Variants in STXBP5L observed in about 807,000 individuals in gnomAD.
STXBP5L encodes the protein syntaxin binding protein 5L.
A neutral mutation model predicts 144.5 loss-of-function variants in STXBP5L; 65 were observed. That is an observed-to-expected ratio of 0.45 (90% CI 0.37 to 0.55). The LOEUF (loss-of-function observed/expected upper bound fraction) is 0.55. Among genes scored for constraint, STXBP5L ranks in the 20% least tolerant of loss-of-function variants. The pLI, the probability that STXBP5L is intolerant of heterozygous loss-of-function variation, is 0.00. For synonymous variants in STXBP5L, 505 were observed against 469.6 expected (o/e 1.08, Z -0.97); for missense variants, 1,298 against 1,405.5 (o/e 0.92, Z 1.22).
intron 19 of STXBP5L, among the ~76,000 whole-genome samples, chr3:121,283,988 A>G (rs1472753956): frequency 1.3e-5 from 2 of 151,546 alleles, no homozygotes; most frequent in African/African-American, 4.8e-5. Context: ...TTGGCTTTAC[A>G]GTATACTCTG....
chr3:121,044,791 G>A (rs756538709), intron 4 of STXBP5L, among the ~76,000 whole-genome samples: 2 of 152,100 alleles, frequency 1.3e-5, no homozygotes, highest in East Asian at 1.9e-4. Context: ...TATTGTATGC[G>A]AAATAGGATT....
chr3:121,115,126 C>A, intron 6 of STXBP5L, 67 bp downstream of exon 6: 2 of 1,438,310 alleles, frequency 1.4e-6, no homozygotes, highest in South Asian at 1.4e-5. Flanking sequence ...ACATGTAGGT[C>A]AAATTACAGT....
At position 121,206,436 on chromosome 3, in the gene STXBP5L, G is replaced by A. The variant is rs141612677; in HGVS notation, c.956+435G>A. Among the ~76,000 whole-genome samples, 463 of 152,154 alleles carry A rather than the reference G, an allele frequency of 3.0e-3. 3 individuals carry two copies. The highest frequency in any genetic ancestry group is 0.01 in the African/African-American group (432 of 41,528). ...GAAAGATAAAGTTGTGTATATTAAT[G>A]TAATAAAAAGTACTAAATTTTAAGG... On this transcript the variant is annotated intron_variant, in intron 10 of 26. Coordinates refer to ENST00000471454, the MANE Select transcript of STXBP5L (RefSeq NM_001308330.2).
intron 9 of STXBP5L, among the ~76,000 whole-genome samples, chr3:121,197,927 G>T (rs1205191002): frequency 6.6e-6 from 1 of 152,140 alleles, no homozygotes; most frequent in Non-Finnish European, 1.5e-5. Context: ...CCAAGTTTTT[G>T]CTATTGTGAA....
chr3:121,222,173 C>T (rs1479111341), intron 10 of STXBP5L, among the ~76,000 whole-genome samples: 1 of 152,058 alleles, frequency 6.6e-6, no homozygotes, highest in African/African-American at 2.4e-5. Flanking sequence ...TTTGCTAACA[C>T]ACTTTTTCTT....
At chr3:121,396,096 T>C (rs1210910351) in intron 22 of STXBP5L, among the ~76,000 whole-genome samples, 1 of 152,256 alleles carries the variant, frequency 6.6e-6, no homozygotes, top group Non-Finnish European at 1.5e-5. Context: ...ACCAAATCAG[T>C]TGTTCTGCTT....
chr3:121,351,788 G>A (rs1276983454), intron 20 of STXBP5L, among the ~76,000 whole-genome samples: 2 of 152,122 alleles, frequency 1.3e-5, no homozygotes, highest in East Asian at 3.8e-4. Flanking sequence ...TATTGCCTAG[G>A]TTTTCTTCTA....
chr3:121,417,713 C>T (rs977928546), intron 25 of STXBP5L, among the ~76,000 whole-genome samples: 7 of 152,230 alleles, frequency 4.6e-5, no homozygotes, highest in Admixed American at 6.5e-5. Flanking sequence ...GATCTGCCCA[C>T]TTCAGCCTCC....
At chr3:120,986,586 T>C (rs1404220635) in intron 3 of STXBP5L, among the ~76,000 whole-genome samples, 3 of 152,086 alleles carry the variant, frequency 2.0e-5, no homozygotes, top group East Asian at 3.9e-4. Flanking sequence ...TTTGTTAATA[T>C]GTAATTACTT....
chr3:120,932,043 A>T (rs1709969982), intron 2 of STXBP5L, among the ~76,000 whole-genome samples: 1 of 152,212 alleles, frequency 6.6e-6, no homozygotes, highest in African/African-American at 2.4e-5. Context: ...CTCCTGGGTT[A>T]TAAACCTATA....
intron 3 of STXBP5L, among the ~76,000 whole-genome samples, chr3:121,020,418 G>T (rs1945462777): frequency 6.6e-6 from 1 of 151,998 alleles, no homozygotes; most frequent in Non-Finnish European, 1.5e-5. Flanking sequence ...AAGAACACCT[G>T]GGAAATTTAT....
At chr3:121,135,302 A>T (rs113777996) in intron 7 of STXBP5L, among the ~76,000 whole-genome samples, 2,938 of 152,054 alleles carry the variant, frequency 0.019, 89 homozygotes, top group African/African-American at 0.066. Flanking sequence ...TAGATTCTGG[A>T]TATTAGCCCT....
intron 9 of STXBP5L, among the ~76,000 whole-genome samples, chr3:121,188,411 C>G (rs566574784): frequency 1.3e-5 from 2 of 151,990 alleles, no homozygotes; most frequent in South Asian, 2.1e-4. Context: ...TACATGGAAA[C>G]TGAACAACCT....
intron 9 of STXBP5L, among the ~76,000 whole-genome samples, chr3:121,185,821 C>T (rs909149034): frequency 6.6e-6 from 1 of 152,026 alleles, no homozygotes; most frequent in African/African-American, 2.4e-5. Context: ...TTGTTTTTTC[C>T]AATTCTGTGA....
chr3:121,251,009 C>T (rs2050009932), intron 15 of STXBP5L, among the ~76,000 whole-genome samples: 1 of 152,150 alleles, frequency 6.6e-6, no homozygotes, highest in Non-Finnish European at 1.5e-5. Context: ...ATTATATCTA[C>T]AAGAGGCATG....
intron 3 of STXBP5L, among the ~76,000 whole-genome samples, chr3:120,976,211 A>G (rs1940989911): frequency 6.6e-6 from 1 of 152,088 alleles, no homozygotes; most frequent in Non-Finnish European, 1.5e-5. Flanking sequence ...GATTATTGCC[A>G]CAGTTTCAGA....
intron 5 of STXBP5L, among the ~76,000 whole-genome samples, chr3:121,093,427 T>C (rs1023680635): frequency 4.7e-4 from 72 of 152,334 alleles, no homozygotes; most frequent in African/African-American, 1.7e-3. Context: ...TGGTAAGCTA[T>C]TGATTATTGC....
chr3:121,217,616 G>T (rs921183055), intron 10 of STXBP5L, among the ~76,000 whole-genome samples: 6 of 151,718 alleles, frequency 4.0e-5, no homozygotes, highest in Non-Finnish European at 8.8e-5. Flanking sequence ...GACCAGAGCT[G>T]TTCCTATTTG....
At chr3:121,156,365 C>T (rs1226782982) in intron 8 of STXBP5L, among the ~76,000 whole-genome samples, 1 of 151,880 alleles carries the variant, frequency 6.6e-6, no homozygotes, top group South Asian at 2.1e-4. Flanking sequence ...TTAGTATTCA[C>T]TTATATTAAT....
Sources: gnomAD v4.1 joint callset for allele counts (sites outside exome capture counted in the v4.1 genomes callset) on GRCh38, gnomAD v4.1.1 for gene constraint, MANE v1.5 for transcripts, NCBI Gene and HGNC (gene_info 2026-07-23, HGNC 2026-07-21) for gene names.